Variants in LRRC72 observed in about 807,000 individuals in gnomAD.
The protein encoded by LRRC72 is leucine rich repeat containing 72, also known as leucine-rich repeat-containing protein 72.
Under a neutral mutation model 35.8 loss-of-function variants are expected in LRRC72, and 41 were observed. The ratio of observed to expected loss-of-function variants is 1.15; its 90% CI spans 0.89 to 1.49. The LOEUF is 1.49. LRRC72 is among the 40% of genes most tolerant of loss of function. LRRC72 has a pLI of 0.00. For missense variants in LRRC72, 389 were observed against 330.7 expected, an observed-to-expected ratio of 1.18 and a Z score of -1.37; for synonymous variants, 118 against 119.2, an observed-to-expected ratio of 0.99 and a Z score of 0.07.
At chr7:16,549,867 A>G (rs1052969378) in intron 3 of LRRC72, among the ~76,000 whole-genome samples, 1 of 132,136 alleles carries the variant, frequency 7.6e-6, no homozygotes, top group Non-Finnish European at 1.7e-5. Context: ...TAAAAATAAA[A>G]GGAAATATAT....
chr7:16,530,906 C>G (rs1051956182), intron 1 of LRRC72, among the ~76,000 whole-genome samples: 1 of 151,984 alleles, frequency 6.6e-6, no homozygotes, highest in Non-Finnish European at 1.5e-5. Context: ...GTTAAAATAC[C>G]CAGATGAGGG....
Position 16,526,957 on chromosome 7 carries a change from C to A in LRRC72, c.5C>A (p.Ser2Tyr). 4 of 1,539,718 alleles carry A rather than the reference C, an allele frequency of 2.6e-6. No homozygotes were observed. The highest frequency in any genetic ancestry group is 3.5e-6 in the Non-Finnish European group (4 of 1,146,914). ...TTCGGCCGCCCATGTGTCCTGATGTCCTGGGACCCGAACCCCGTGCCCCGT... is the reference window on the plus strand; with the variant it reads ...TTCGGCCGCCCATGTGTCCTGATGTACTGGGACCCGAACCCCGTGCCCCGT... Reference protein sequence around the residue: MSWDPNPVPRTL... With the variant: MYWDPNPVPRTL... Residue 2 changes from serine to tyrosine, a missense_variant, in exon 1 of 9, where the codon TCC (serine) becomes TAC (tyrosine). Ser to Tyr is a moderately radical substitution (Grantham distance 144). Transcript: ENST00000401542.
rs78094063 is a variant in LRRC72, at chr7:16,535,261, T to A, written c.165-2366T>A. Reference sequence around the variant, plus strand: ...TGCCAGGGAAGTGCTCAAAAACTAATGGTACATATCAAAGAGACACACAAT... The same window carrying A: ...TGCCAGGGAAGTGCTCAAAAACTAAAGGTACATATCAAAGAGACACACAAT... On this transcript the variant is annotated intron_variant, in intron 2 of 8. Transcript: ENST00000401542. Among the ~76,000 whole-genome samples the A allele has an allele frequency of 9.4e-3, 1,430 of 152,252 alleles. 27 individuals are homozygous for A. Among genetic ancestry groups the A allele is most frequent in the African/African-American group, 0.033 (1,353 of 41,530 alleles).
At chr7:16,532,997 T>C (rs1782194808) in intron 2 of LRRC72, among the ~76,000 whole-genome samples, 3 of 152,136 alleles carry the variant, frequency 2.0e-5, no homozygotes, top group African/African-American at 7.2e-5. Flanking sequence ...TAGCCCGATA[T>C]CCTGTATTTT....
intron 2 of LRRC72, among the ~76,000 whole-genome samples, chr7:16,533,253 C>A (rs1782198957): frequency 6.6e-6 from 1 of 152,040 alleles, no homozygotes; most frequent in African/African-American, 2.4e-5. Context: ...TAGAAAAATC[C>A]CTCTCTTATA....
At chr7:16,576,686 G>C (rs489688) in intron 7 of LRRC72, among the ~76,000 whole-genome samples, 60,925 of 151,956 alleles carry the variant, frequency 0.4, 13,253 homozygotes, top group African/African-American at 0.57. Flanking sequence ...TTACCTATAT[G>C]TAAATGTAGA....
intron 5 of LRRC72, among the ~76,000 whole-genome samples, chr7:16,563,946 T>C (rs7783869): frequency 0.08 from 12,141 of 152,186 alleles, 1,656 homozygotes; most frequent in African/African-American, 0.28. Flanking sequence ...AATGTAACAG[T>C]AGTAAATCCA....
intron 8 of LRRC72, 124 bp from the exon 9 acceptor site, chr7:16,581,200 G>C: frequency 1.4e-6 from 1 of 715,712 alleles, no homozygotes; most frequent in South Asian, 4.1e-5. Context: ...TTATTTGTTA[G>C]TGGTACTATA....
At chr7:16,538,216 T>A (rs1782296370) in intron 3 of LRRC72, among the ~76,000 whole-genome samples, 1 of 152,214 alleles carries the variant, frequency 6.6e-6, no homozygotes, top group African/African-American at 2.4e-5. Context: ...AAAGCCATGG[T>A]TGGCTGTTTT....
chr7:16,526,966 C>T lies in LRRC72; in HGVS notation c.14C>T (p.Pro5Leu), dbSNP rs1390466089. Residue 5 changes from proline to leucine, a missense_variant, in exon 1 of 9, where the codon CCG becomes CTG. Transcript: ENST00000401542. The part of the protein sequence containing the change: MSWD[P>L]NPVPRTLRCW... ...CCATGTGTCCTGATGTCCTGGGACC[C>T]GAACCCCGTGCCCCGTACCTTGCGA... 6 of 1,539,840 alleles carry T rather than the reference C, an allele frequency of 3.9e-6. No individual in the cohort carries two copies. The highest frequency in any genetic ancestry group is 1.7e-4 in the Middle Eastern group (1 of 5,992).
chr7:16,540,087 A>G (rs966277710), intron 3 of LRRC72, among the ~76,000 whole-genome samples: 2 of 152,182 alleles, frequency 1.3e-5, no homozygotes, highest in African/African-American at 4.8e-5. Context: ...ATGTGCCTAG[A>G]AAAGCCACAG....
At chr7:16,563,541 T>C (rs768263552) in intron 5 of LRRC72, among the ~76,000 whole-genome samples, 11 of 152,198 alleles carry the variant, frequency 7.2e-5, no homozygotes, top group Non-Finnish European at 1.5e-4. Context: ...CTTCATGGTT[T>C]CTAAAAGAAT....
In LRRC72 at chr7:16,558,938, G is replaced by A; in HGVS notation, c.366G>A (p.Glu122=). 2.6e-6 allele frequency: 4 copies of A among 1,537,408 alleles called. No homozygotes were observed. Among genetic ancestry groups the A allele is most frequent in the Non-Finnish European group, 3.5e-6 (4 of 1,138,852 alleles). Residue 122 remains glutamate, a synonymous_variant, in exon 5 of 9, where the codon GAG becomes GAA. Transcript: ENST00000401542. ...SLHILLLHHN[E]LTNIDATVKE... ...ATATACTCCTGCTACACCACAATGAGCTAACCAACATTGATGCAACAGTGA... is the reference window on the plus strand; with the variant it reads ...ATATACTCCTGCTACACCACAATGAACTAACCAACATTGATGCAACAGTGA...
intron 3 of LRRC72, among the ~76,000 whole-genome samples, chr7:16,546,109 C>T (rs1310671472): frequency 6.6e-6 from 1 of 152,072 alleles, no homozygotes; most frequent in Non-Finnish European, 1.5e-5. Context: ...TTCTTTTTTA[C>T]TCCTATATAA....
intron 3 of LRRC72, 38 bp downstream of exon 3, chr7:16,537,734 A>G: frequency 4.4e-6 from 5 of 1,147,684 alleles, no homozygotes; most frequent in Non-Finnish European, 4.9e-6. Flanking sequence ...CTAAAATTAA[A>G]CTACTATCTT....
At chr7:16,534,273 A>G (rs1416939645) in intron 2 of LRRC72, among the ~76,000 whole-genome samples, 1 of 152,228 alleles carries the variant, frequency 6.6e-6, no homozygotes, top group Non-Finnish European at 1.5e-5. Flanking sequence ...CATCATTAGT[A>G]GAATTACCTC....
chr7:16,572,528 C>T (rs754913154), intron 7 of LRRC72, among the ~76,000 whole-genome samples: 1 of 152,164 alleles, frequency 6.6e-6, no homozygotes, highest in Admixed American at 6.5e-5. Context: ...TAATCCATCG[C>T]ATAAACAGAA....
chr7:16,581,426 G>GA lies in LRRC72; in HGVS notation c.801_802insA (p.Glu268ArgfsTer5), dbSNP rs1294656742. 6 of 1,550,380 alleles carry GA rather than the reference G, an allele frequency of 3.9e-6. No homozygotes were observed. Among genetic ancestry groups the GA allele is most frequent in the Non-Finnish European group, 5.2e-6 (6 of 1,146,802 alleles). ...ACTGGGACACAGTTCCAACACGAGAGGAAAGGTACCTTGAAGAGGAAGGCA... is the reference window on the plus strand; with the variant it reads ...ACTGGGACACAGTTCCAACACGAGAGAGAAAGGTACCTTGAAGAGGAAGGCA... On this transcript the variant is annotated frameshift_variant, in exon 9 of 9. Coordinates refer to ENST00000401542, the MANE Select transcript of LRRC72 (RefSeq NM_001195280.2). LOFTEE classifies it high-confidence loss of function.
At chr7:16,528,854 C>G (rs560032499) in intron 1 of LRRC72, among the ~76,000 whole-genome samples, 3 of 152,054 alleles carry the variant, frequency 2.0e-5, no homozygotes, top group Non-Finnish European at 4.4e-5. Flanking sequence ...ACCAACAAAG[C>G]AAGAGCACTA....
Sources: allele counts gnomAD v4.1 joint callset (sites outside exome capture counted in the v4.1 genomes callset), GRCh38; gene constraint gnomAD v4.1.1; transcripts MANE v1.5; gene names NCBI Gene and HGNC (gene_info 2026-07-23, HGNC 2026-07-21).